Variants in CMKLR2 observed in about 807,000 individuals in gnomAD.
The protein encoded by CMKLR2 is chemerin chemokine-like receptor 2.
A neutral mutation model predicts 23.0 loss-of-function variants in CMKLR2; 18 were observed. That is an observed-to-expected ratio of 0.78 (90% CI 0.54 to 1.16). The LOEUF (loss-of-function observed/expected upper bound fraction) is 1.16. Among genes scored for constraint, CMKLR2 ranks in the 50% most tolerant of loss-of-function variants. The pLI is 0.00. For synonymous variants in CMKLR2, 158 were observed against 158.9 expected (o/e 0.99, Z 0.05); for missense variants, 401 against 412.7 (o/e 0.97, Z 0.25).
At chr2:206,182,887 C>T (rs201452490) in intron 1 of CMKLR2, among the ~76,000 whole-genome samples, 21 of 151,962 alleles carry the variant, frequency 1.4e-4, no homozygotes, top group Non-Finnish European at 7.4e-5. Flanking sequence ...CAAAGTGCTG[C>T]GATTACAGGA....
At chr2:206,188,513 T>C (rs1688651601) in intron 1 of CMKLR2, among the ~76,000 whole-genome samples, 3 of 152,248 alleles carry the variant, frequency 2.0e-5, no homozygotes, top group Non-Finnish European at 2.9e-5. Context: ...AAAGTTTGTG[T>C]AGCCACTTAA....
At chr2:206,200,753 G>A (rs1361564769) in intron 1 of CMKLR2, among the ~76,000 whole-genome samples, 2 of 152,060 alleles carry the variant, frequency 1.3e-5, no homozygotes, top group Non-Finnish European at 2.9e-5. Context: ...ATGTGCCATC[G>A]TACCTAATAG....
chr2:206,202,089 T>A (rs980640080), intron 1 of CMKLR2, among the ~76,000 whole-genome samples: 2 of 152,184 alleles, frequency 1.3e-5, no homozygotes, highest in Non-Finnish European at 2.9e-5. Flanking sequence ...CTACTATGTA[T>A]TCTAGGCCCT....
upstream of CMKLR2, among the ~76,000 whole-genome samples, chr2:206,214,920 T>C (rs1372189219): frequency 2.0e-5 from 3 of 152,262 alleles, no homozygotes; most frequent in East Asian, 5.8e-4. Context: ...CCACCACACC[T>C]GGCCGCTATC....
chr2:206,189,210 C>T (rs1481232343), intron 1 of CMKLR2, among the ~76,000 whole-genome samples: 2 of 152,198 alleles, frequency 1.3e-5, no homozygotes, highest in African/African-American at 4.8e-5. Context: ...TGAACTCTGT[C>T]TACGTAGGTT....
chr2:206,179,716 G>A (rs74336707), intron 1 of CMKLR2, among the ~76,000 whole-genome samples: 2 of 152,090 alleles, frequency 1.3e-5, no homozygotes, highest in Admixed American at 6.6e-5. Flanking sequence ...AGTATACTGT[G>A]TGTAACTCTG....
chr2:206,182,691 G>A (rs1235195332), intron 1 of CMKLR2, among the ~76,000 whole-genome samples: 2 of 151,674 alleles, frequency 1.3e-5, no homozygotes, highest in African/African-American at 2.4e-5. Context: ...GCGTGATCTC[G>A]GCTCATGCAA....
intron 1 of CMKLR2, among the ~76,000 whole-genome samples, chr2:206,187,042 T>C (rs1341836593): frequency 6.6e-6 from 1 of 151,880 alleles, no homozygotes; most frequent in Non-Finnish European, 1.5e-5. Flanking sequence ...AAGAATACAT[T>C]TTTTTCCAAA....
intron 1 of CMKLR2, among the ~76,000 whole-genome samples, chr2:206,184,300 C>CTTTTTT (rs752263495): frequency 4.2e-5 from 6 of 142,454 alleles, no homozygotes; most frequent in Non-Finnish European, 9.2e-5. Context: ...CTCTCTCTCT[C>CTTTTTT]TTTTTTTTTT....
intron 1 of CMKLR2, among the ~76,000 whole-genome samples, chr2:206,179,861 T>C (rs887075792): frequency 1.3e-5 from 2 of 152,178 alleles, no homozygotes; most frequent in Admixed American, 6.5e-5. Context: ...TTTTAGATTA[T>C]AGTAGGGTTA....
upstream of CMKLR2, among the ~76,000 whole-genome samples, chr2:206,214,025 T>G (rs1689663818): frequency 6.6e-6 from 1 of 151,968 alleles, no homozygotes; most frequent in African/African-American, 2.4e-5. Context: ...GGTTAATTTT[T>G]GTATTTTTAG....
At chr2:206,201,907 G>A (rs1689109317) in intron 1 of CMKLR2, among the ~76,000 whole-genome samples, 1 of 152,058 alleles carries the variant, frequency 6.6e-6, no homozygotes, top group Admixed American at 6.6e-5. Context: ...GAAAGAGCAG[G>A]GTAACAATTT....
At chr2:206,217,014 T>TA (rs1247491554), upstream of CMKLR2, among the ~76,000 whole-genome samples, 3 of 152,164 alleles carry the variant, frequency 2.0e-5, no homozygotes, top group Admixed American at 6.6e-5. Context: ...ATTTTAGAAA[T>TA]AGACATTTGG....
chr2:206,178,646 T>G, intron 1 of CMKLR2, among the ~76,000 whole-genome samples: 1 of 150,700 alleles, frequency 6.6e-6, no homozygotes. Context: ...CTATTTTTGT[T>G]TTGTTTGTTT....
chr2:206,195,144 A>G (rs1688880463), intron 1 of CMKLR2, among the ~76,000 whole-genome samples: 1 of 152,162 alleles, frequency 6.6e-6, no homozygotes, highest in South Asian at 2.1e-4. Flanking sequence ...TATATTTGGA[A>G]CAGTTTGTTG....
chr2:206,212,856 G>A (rs1689620018), intron 1 of CMKLR2, among the ~76,000 whole-genome samples: 1 of 152,142 alleles, frequency 6.6e-6, no homozygotes, highest in Non-Finnish European at 1.5e-5. Flanking sequence ...GTAATCTAAA[G>A]AGGGCAATAT....
chr2:206,191,196 T>C (rs892472878), intron 1 of CMKLR2, among the ~76,000 whole-genome samples: 1 of 152,202 alleles, frequency 6.6e-6, no homozygotes, highest in African/African-American at 2.4e-5. Flanking sequence ...AAGAAATCTG[T>C]TTCCTTACTT....
chr2:206,176,633 A>T lies in CMKLR2; in HGVS notation c.615T>A (p.Val205=). The stretch of plus-strand genomic sequence containing the variant: ...CAATGATAAATTTCACCCAAGTCAG[A>T]ACATGGTGCCTGATCAAAGTGAGGT... ...DPDLTLIRHH[V]LTWVKFIIGY... is the part of the protein sequence containing the mutation. The change falls in exon 2 of 2, where the codon GTT becomes GTA. Residue 205 remains valine, a synonymous_variant. Coordinates refer to ENST00000621141, the MANE Select transcript of CMKLR2 (RefSeq NM_001389445.1). 6.2e-7 allele frequency: 1 copy of T among 1,614,196 alleles called. No individual in the cohort carries two copies.
chr2:206,202,177 T>C (rs777043080), intron 1 of CMKLR2, among the ~76,000 whole-genome samples: 1 of 152,180 alleles, frequency 6.6e-6, no homozygotes, highest in African/African-American at 2.4e-5. Context: ...ACATTTCTCA[T>C]ACTTGGAGAT....
Sources: gnomAD v4.1 joint callset for allele counts (sites outside exome capture counted in the v4.1 genomes callset) on GRCh38, gnomAD v4.1.1 for gene constraint, MANE v1.5 for transcripts, NCBI Gene and HGNC (gene_info 2026-07-23, HGNC 2026-07-21) for gene names.